The following KAT6B variants were observed in gnomAD, a reference collection of about 807,000 sequenced individuals.
The protein encoded by KAT6B is histone acetyltransferase KAT6B.
In KAT6B, 10 loss-of-function variants were observed where a neutral mutation model predicts 187.5. That is an observed-to-expected ratio of 0.05 (90% CI 0.03 to 0.09). KAT6B has a LOEUF of 0.09. KAT6B is among the 10% of genes least tolerant of loss of function. The probability of loss-of-function intolerance (pLI) is 1.00; values close to 1 mark genes in which losing one functional copy is unlikely to be tolerated. For synonymous variants in KAT6B, 861 were observed against 926.8 expected, an observed-to-expected ratio of 0.93 and a Z score of 1.29; for missense variants, 1,952 against 2,558.9, an observed-to-expected ratio of 0.76 and a Z score of 5.12.
intron 3 of KAT6B, among the ~76,000 whole-genome samples, chr10:74,867,569 T>C (rs182300977): frequency 6.6e-6 from 1 of 152,356 alleles, no homozygotes; most frequent in East Asian, 1.9e-4. Context: ...TCTTTTTAGC[T>C]GTTGCTAAGA....
chr10:74,889,493 C>T (rs1289411983), intron 3 of KAT6B, among the ~76,000 whole-genome samples: 2 of 152,170 alleles, frequency 1.3e-5, no homozygotes, highest in Non-Finnish European at 2.9e-5. Context: ...CTCCAGAATT[C>T]AGGGCCAGTT....
rs780866364 is a variant in KAT6B at position 75,030,055 on chromosome 10, C to T, written c.5231C>T (p.Pro1744Leu). ...CAGCAAACCAGCATCAGCTCCCCTC[C>T]GACCTGCAGCGTCAAGTCTCCTCAA... ...MLQQTSISSP[P>L]TCSVKSPQGC... Residue 1744 changes from proline (P) to leucine (L), a missense_variant, in exon 18 of 18, where the codon CCG becomes CTG. Transcript: ENST00000287239. The surrounding 1 kb of genome is among the most constrained non-coding windows in gnomAD (Gnocchi z 4.8). The T allele has an allele frequency of 2.3e-5, 37 of 1,614,120 alleles. No homozygotes were observed. Among genetic ancestry groups the T allele is most frequent in the Non-Finnish European group, 2.8e-5 (33 of 1,180,064 alleles).
chr10:74,998,770 G>A (rs923583258), intron 13 of KAT6B, among the ~76,000 whole-genome samples: 1 of 152,088 alleles, frequency 6.6e-6, no homozygotes, highest in African/African-American at 2.4e-5. Context: ...ATAAATAAAT[G>A]AAATTAGCTG....
At chr10:74,864,553 A>G (rs1057113551) in intron 3 of KAT6B, among the ~76,000 whole-genome samples, 7 of 151,294 alleles carry the variant, frequency 4.6e-5, no homozygotes, top group South Asian at 4.2e-4. Flanking sequence ...TTTTATTTAT[A>G]TATTTGGAGA....
intron 3 of KAT6B, among the ~76,000 whole-genome samples, chr10:74,861,090 C>T (rs1422518999): frequency 1.3e-5 from 2 of 151,356 alleles, no homozygotes; most frequent in African/African-American, 2.4e-5. Context: ...GAGCTGAGAT[C>T]GTGCCATTGC....
chr10:74,956,249 A>C (rs2133467242), intron 3 of KAT6B, among the ~76,000 whole-genome samples: 1 of 152,328 alleles, frequency 6.6e-6, no homozygotes, highest in Middle Eastern at 3.4e-3. Context: ...GATTGGACTC[A>C]GGATAAATGT....
intron 3 of KAT6B, among the ~76,000 whole-genome samples, chr10:74,901,380 G>T (rs1375926360): frequency 6.6e-6 from 1 of 152,214 alleles, no homozygotes; most frequent in Non-Finnish European, 1.5e-5. Flanking sequence ...GTGTGGGCAG[G>T]TTTCACTGCA....
At chr10:74,913,548 G>A (rs537558667) in intron 3 of KAT6B, among the ~76,000 whole-genome samples, 374 of 152,262 alleles carry the variant, frequency 2.5e-3, no homozygotes, top group Non-Finnish European at 2.9e-3. Context: ...CACATAAAGG[G>A]GGACTACTGT....
intron 3 of KAT6B, among the ~76,000 whole-genome samples, chr10:74,922,282 A>T (rs1054350234): frequency 3.3e-5 from 5 of 152,226 alleles, no homozygotes; most frequent in African/African-American, 1.2e-4. Context: ...AAAGTAGAAA[A>T]GTGAGCTTTA....
At chr10:74,894,478 A>C (rs1845852708) in intron 3 of KAT6B, among the ~76,000 whole-genome samples, 1 of 152,208 alleles carries the variant, frequency 6.6e-6, no homozygotes. Context: ...GTAGTATGGT[A>C]GTGTTAACTG....
chr10:75,000,151 G>C (rs1477153507), intron 13 of KAT6B, among the ~76,000 whole-genome samples: 1 of 151,452 alleles, frequency 6.6e-6, no homozygotes, highest in Non-Finnish European at 1.5e-5. Context: ...CAGCCTGGGC[G>C]ACAGAGCAAG....
chr10:74,974,836 T>C (rs563663600), intron 7 of KAT6B, among the ~76,000 whole-genome samples: 28 of 152,342 alleles, frequency 1.8e-4, no homozygotes, highest in African/African-American at 6.7e-4. Flanking sequence ...TATCTTACCA[T>C]CCTAAGCACA....
chr10:74,972,708 T>G (rs1841927039), intron 7 of KAT6B, 69 bp downstream of exon 7: 1 of 1,413,680 alleles, frequency 7.1e-7, no homozygotes, highest in South Asian at 1.2e-5. Context: ...TGTTATTCTC[T>G]CAGATTCCTT....
chr10:74,966,302 T>C (rs1841463349), intron 4 of KAT6B, among the ~76,000 whole-genome samples: 1 of 152,198 alleles, frequency 6.6e-6, no homozygotes, highest in African/African-American at 2.4e-5. Context: ...TCATGCCCAC[T>C]CAGATAATCC....
intron 1 of KAT6B, among the ~76,000 whole-genome samples, chr10:74,835,060 A>T (rs1841181868): frequency 6.6e-6 from 1 of 152,178 alleles, no homozygotes; most frequent in Non-Finnish European, 1.5e-5. Context: ...GTTTTTAAGA[A>T]TTTTATAGTC....
intron 17 of KAT6B, among the ~76,000 whole-genome samples, chr10:75,027,190 C>T (rs1845925113): frequency 1.3e-5 from 2 of 152,160 alleles, no homozygotes; most frequent in African/African-American, 4.8e-5. Context: ...TATTACCTGC[C>T]ATTGTGAATA....
At chr10:74,909,664 G>A (rs183002918) in intron 3 of KAT6B, among the ~76,000 whole-genome samples, 1 of 152,226 alleles carries the variant, frequency 6.6e-6, no homozygotes, top group Admixed American at 6.5e-5. Context: ...GTGAGAAGGG[G>A]GTTCTTTGGC....
At chr10:74,984,918 G>A (rs1296671133) in intron 11 of KAT6B, 162 bp from the exon 12 acceptor site, 1 of 676,100 alleles carries the variant, frequency 1.5e-6, no homozygotes, top group Admixed American at 2.6e-5. Flanking sequence ...AGTGACAGCT[G>A]TTTTCTGGTT....
intron 3 of KAT6B, among the ~76,000 whole-genome samples, chr10:74,939,531 G>T (rs951237337): frequency 6.6e-6 from 1 of 152,086 alleles, no homozygotes; most frequent in African/African-American, 2.4e-5. Flanking sequence ...CTCCCAAGTA[G>T]CTGGGACTAT....
Sources: allele counts gnomAD v4.1 joint callset (sites outside exome capture counted in the v4.1 genomes callset), GRCh38; gene constraint gnomAD v4.1.1; non-coding constraint Gnocchi (gnomAD v3.1); transcripts MANE v1.5; gene names NCBI Gene and HGNC (gene_info 2026-07-23, HGNC 2026-07-21).